The following PLXDC2 variants were observed in gnomAD, a reference collection of about 807,000 sequenced individuals.
PLXDC2 encodes the protein plexin domain-containing protein 2.
In PLXDC2, 40 loss-of-function variants were observed where a neutral mutation model predicts 68.9. That is an observed-to-expected ratio of 0.58 (90% confidence interval 0.45 to 0.76). The LOEUF is 0.76. Ranked by LOEUF, PLXDC2 falls within the 30% of genes least tolerant of loss-of-function variation. The pLI is 0.00. For missense variants in PLXDC2, 644 were observed against 661.9 expected, an observed-to-expected ratio of 0.97 and a Z score of 0.30; for synonymous variants, 243 against 234.2, an observed-to-expected ratio of 1.04 and a Z score of -0.34.
At chr10:20,186,628 C>T (rs116905478) in intron 9 of PLXDC2, among the ~76,000 whole-genome samples, 4,320 of 151,918 alleles carry the variant, frequency 0.028, 78 homozygotes, top group Middle Eastern at 0.071. Context: ...CACGTTTTCT[C>T]GTATTTAGCT....
intron 4 of PLXDC2, among the ~76,000 whole-genome samples, chr10:20,140,433 C>CTATT (rs1833989336): frequency 6.8e-6 from 1 of 147,506 alleles, no homozygotes; most frequent in Non-Finnish European, 1.5e-5. Flanking sequence ...ATCTATCTAT[C>CTATT]TATCTATCCG....
chr10:19,833,855 G>A (rs1564603366), intron 1 of PLXDC2, among the ~76,000 whole-genome samples: 1 of 151,564 alleles, frequency 6.6e-6, no homozygotes, highest in East Asian at 1.9e-4. Context: ...TTGCATCAAT[G>A]AATAGAAGAT....
At chr10:20,162,679 G>A (rs10827977) in intron 6 of PLXDC2, among the ~76,000 whole-genome samples, 133,026 of 152,042 alleles carry the variant, frequency 0.87, 58,473 homozygotes, top group Non-Finnish European at 0.91. Flanking sequence ...AGAGTACTCA[G>A]CATGGGGTAT....
intron 1 of PLXDC2, among the ~76,000 whole-genome samples, chr10:19,941,613 G>C (rs562335275): frequency 1.3e-5 from 2 of 152,106 alleles, no homozygotes; most frequent in South Asian, 4.2e-4. Flanking sequence ...GTTCAAAGGG[G>C]GTCTGTCACT....
intron 13 of PLXDC2, among the ~76,000 whole-genome samples, chr10:20,256,278 G>A (rs145239645): frequency 0.015 from 2,205 of 151,432 alleles, 47 homozygotes; most frequent in African/African-American, 0.049. Flanking sequence ...GATTACAGGC[G>A]CCCACCATGA....
chr10:20,000,186 C>A (rs192041811), intron 1 of PLXDC2, among the ~76,000 whole-genome samples: 191 of 152,036 alleles, frequency 1.3e-3, no homozygotes, highest in African/African-American at 4.5e-3. Context: ...GTGACGATGA[C>A]AATACTGCTT....
intron 7 of PLXDC2, among the ~76,000 whole-genome samples, chr10:20,174,631 T>G (rs1834500940): frequency 6.6e-6 from 1 of 151,758 alleles, no homozygotes; most frequent in African/African-American, 2.4e-5. Flanking sequence ...CATCACACAA[T>G]GGGGCCTGTT....
At position 19,994,312 on chromosome 10, in the gene PLXDC2, A is replaced by ATTTTTTTTTTTTTTTTTTTTTTT. The variant is rs869124443; in HGVS notation, c.113-7457_113-7435dup. Among the ~76,000 whole-genome samples, 21 of 34,322 alleles carry ATTTTTTTTTTTTTTTTTTTTTTT rather than the reference A, an allele frequency of 6.1e-4. 1 individual carries two copies. The highest frequency in any genetic ancestry group is 1.3e-3 in the Admixed American group (3 of 2,314). 22.5% of individuals were successfully genotyped at this position (34,322 alleles called of 152,430 possible). ...TCTGACTACTTGGAAACATGATTAA[A>ATTTTTTTTTTTTTTTTTTTTTTT]TTTTTTTTTTTTTTTTTTTTTTTTT... On this transcript the variant is annotated intron_variant, in intron 1 of 13. Coordinates refer to ENST00000377252, the MANE Select transcript of PLXDC2 (RefSeq NM_032812.9).
intron 10 of PLXDC2, among the ~76,000 whole-genome samples, chr10:20,212,764 C>T (rs1588520726): frequency 6.6e-6 from 1 of 152,196 alleles, no homozygotes; most frequent in East Asian, 1.9e-4. Context: ...TATAACCAAC[C>T]TTTTGGCATT....
intron 4 of PLXDC2, among the ~76,000 whole-genome samples, chr10:20,079,720 G>T (rs1044903502): frequency 2.6e-5 from 4 of 152,140 alleles, no homozygotes; most frequent in African/African-American, 9.7e-5. Flanking sequence ...ACTCCTAAGT[G>T]GGAGTTGAAC....
Position 20,058,714 on chromosome 10 carries a change from C to G in PLXDC2, c.472-9456C>G, listed in dbSNP as rs1001412037. Among the ~76,000 whole-genome samples the G allele has an allele frequency of 2.0e-5, 3 of 152,154 alleles. No homozygotes were observed. The South Asian group carries it at 6.2e-4, about 32-fold the overall frequency. ...CGATAAACACAAAATATTTTTTTGTCTTGCCCTGTTTGAGGATCATTGGTC... is the reference window on the plus strand; with the variant it reads ...CGATAAACACAAAATATTTTTTTGTGTTGCCCTGTTTGAGGATCATTGGTC... On this transcript the variant is annotated intron_variant, in intron 3 of 13. Coordinates refer to ENST00000377252, the MANE Select transcript of PLXDC2 (RefSeq NM_032812.9).
chr10:19,883,911 T>TTTTTTTTTTTTTGG, intron 1 of PLXDC2, among the ~76,000 whole-genome samples: 1 of 136,856 alleles, frequency 7.3e-6, no homozygotes, highest in African/African-American at 2.7e-5. Flanking sequence ...TTTTTTTTTT[T>TTTTTTTTTTTTTGG]AGCAGACAGG....
chr10:19,824,501 C>T (rs919608437), intron 1 of PLXDC2, among the ~76,000 whole-genome samples: 17 of 152,160 alleles, frequency 1.1e-4, no homozygotes, highest in African/African-American at 4.1e-4. Flanking sequence ...AATTCCAGCC[C>T]TTTGGCTTTA....
chr10:19,912,489 C>T (rs996601938), intron 1 of PLXDC2, among the ~76,000 whole-genome samples: 6 of 152,038 alleles, frequency 3.9e-5, no homozygotes, highest in African/African-American at 1.4e-4. Flanking sequence ...CAAATCCTGC[C>T]TTAATTACCT....
intron 4 of PLXDC2, among the ~76,000 whole-genome samples, chr10:20,101,028 C>A (rs1295773936): frequency 6.6e-6 from 1 of 152,104 alleles, no homozygotes; most frequent in Non-Finnish European, 1.5e-5. Flanking sequence ...CATTTATTGG[C>A]CGACAGTTAT....
At chr10:20,232,871 A>G (rs1835383743) in intron 12 of PLXDC2, among the ~76,000 whole-genome samples, 1 of 152,188 alleles carries the variant, frequency 6.6e-6, no homozygotes, top group African/African-American at 2.4e-5. Flanking sequence ...TGCATTTCAA[A>G]TATGCAAATT....
chr10:19,960,190 C>CAA (rs33975315), intron 1 of PLXDC2, among the ~76,000 whole-genome samples: 12 of 87,286 alleles, frequency 1.4e-4, no homozygotes, highest in Non-Finnish European at 1.7e-4. Flanking sequence ...GAGCTCGTCT[C>CAA]AAAAAAAAAA....
intron 4 of PLXDC2, among the ~76,000 whole-genome samples, chr10:20,132,565 C>G (rs1833881263): frequency 6.6e-6 from 1 of 151,900 alleles, no homozygotes; most frequent in African/African-American, 2.4e-5. Context: ...ATTTTATGTC[C>G]TTTTGATGAA....
chr10:19,870,350 TA>T (rs1399209922), intron 1 of PLXDC2, among the ~76,000 whole-genome samples: 3 of 152,216 alleles, frequency 2.0e-5, no homozygotes, highest in Admixed American at 6.5e-5. Context: ...TGAAATAATG[TA>T]TGAAAAATGC....
Sources: gnomAD v4.1 joint callset for allele counts (sites outside exome capture counted in the v4.1 genomes callset) on GRCh38, gnomAD v4.1.1 for gene constraint, MANE v1.5 for transcripts, NCBI Gene and HGNC (gene_info 2026-07-23, HGNC 2026-07-21) for gene names.